MPPED2: variants seen among roughly 807,000 people sequenced by gnomAD.
The protein encoded by MPPED2 is metallophosphoesterase domain containing 2.
MPPED2 carries 5 observed loss-of-function variants against 33.0 expected under a neutral mutation model. The ratio of observed to expected loss-of-function variants is 0.15; its 90% CI spans 0.08 to 0.32. The LOEUF (loss-of-function observed/expected upper bound fraction) is 0.32. MPPED2 is among the 10% of genes least tolerant of loss of function. The pLI, the probability that MPPED2 is intolerant of heterozygous loss-of-function variation, is 1.00. For synonymous variants in MPPED2, 136 were observed against 141.9 expected (o/e 0.96, Z 0.29); for missense variants, 275 against 372.1 (o/e 0.74, Z 2.15).
In MPPED2 at chr11:30,442,497, T is replaced by A. The variant is rs569690689; in HGVS notation, c.537-24864A>T. 3.3e-4 allele frequency among the ~76,000 whole-genome samples: 50 copies of A among 152,218 alleles called. 1 individual carries two copies. The highest frequency in any genetic ancestry group is 1.2e-3 in the African/African-American group (49 of 41,552). ...CTGATCAGGGAACCAAATGTGAAAATATTTTAAAATAAAGTGATGTGTTGT... is the reference window on the plus strand; with the variant it reads ...CTGATCAGGGAACCAAATGTGAAAAAATTTTAAAATAAAGTGATGTGTTGT... On this transcript the variant is annotated intron_variant, in intron 4 of 6. Transcript: ENST00000358117.
intron 6 of MPPED2, among the ~76,000 whole-genome samples, chr11:30,390,003 CTT>C (rs60697577): frequency 6.0e-4 from 92 of 152,254 alleles, no homozygotes; most frequent in African/African-American, 2.2e-3. Flanking sequence ...AAAAAAGCCT[CTT>C]ATATCATCTA....
intron 4 of MPPED2, among the ~76,000 whole-genome samples, chr11:30,447,321 C>T (rs1022457953): frequency 2.6e-5 from 4 of 152,306 alleles, no homozygotes; most frequent in African/African-American, 9.6e-5. Flanking sequence ...TATGGGCAAA[C>T]TATTCATTTT....
chr11:30,465,974 C>A (rs1358682153), intron 4 of MPPED2, among the ~76,000 whole-genome samples: 1 of 152,182 alleles, frequency 6.6e-6, no homozygotes, highest in Non-Finnish European at 1.5e-5. Context: ...AATTACAAGG[C>A]CTTCCCCAAA....
chr11:30,564,577 G>A (rs1349976992), intron 2 of MPPED2, among the ~76,000 whole-genome samples: 1 of 152,150 alleles, frequency 6.6e-6, no homozygotes, highest in Non-Finnish European at 1.5e-5. Flanking sequence ...GGGAGACCAA[G>A]ATTCAAACTT....
chr11:30,400,402 A>G (rs985977998), intron 6 of MPPED2, among the ~76,000 whole-genome samples: 1 of 152,206 alleles, frequency 6.6e-6, no homozygotes, highest in East Asian at 1.9e-4. Flanking sequence ...AAGTGCCTTA[A>G]TGGAATGAAA....
chr11:30,451,159 G>T (rs1950042033), intron 4 of MPPED2, among the ~76,000 whole-genome samples: 1 of 152,334 alleles, frequency 6.6e-6, no homozygotes, highest in South Asian at 2.1e-4. Context: ...TCTCTGTAAA[G>T]ATGAGGATGG....
At chr11:30,502,466 C>T (rs1952614242) in intron 3 of MPPED2, among the ~76,000 whole-genome samples, 1 of 152,188 alleles carries the variant, frequency 6.6e-6, no homozygotes, top group Non-Finnish European at 1.5e-5. Flanking sequence ...AATTAAAACA[C>T]ATCCTGGCTT....
chr11:30,427,684 C>T lies in MPPED2; in HGVS notation c.537-10051G>A, dbSNP rs1290694050. 2.6e-5 allele frequency among the ~76,000 whole-genome samples: 4 copies of T among 152,090 alleles called. No homozygotes were observed. The East Asian group carries it at 7.7e-4, about 29-fold the overall frequency. On this transcript the variant is annotated intron_variant, in intron 4 of 6. Transcript: ENST00000358117. ...AGTGGAAAAGTAAAGTATTACCTTT[C>T]GTGTATCAGTATGAATTCAAACATG...
intron 4 of MPPED2, among the ~76,000 whole-genome samples, chr11:30,464,594 A>ATT (rs1950634109): frequency 6.6e-6 from 1 of 152,152 alleles, no homozygotes; most frequent in South Asian, 2.1e-4. Context: ...AACAGTTGGC[A>ATT]TTTCATGTGT....
chr11:30,460,997 T>A (rs931848319), intron 4 of MPPED2, among the ~76,000 whole-genome samples: 1 of 152,158 alleles, frequency 6.6e-6, no homozygotes, highest in Non-Finnish European at 1.5e-5. Context: ...GACGAATGGA[T>A]AAACAAAATG....
At chr11:30,472,388 A>G (rs140819601) in intron 4 of MPPED2, among the ~76,000 whole-genome samples, 48 of 151,354 alleles carry the variant, frequency 3.2e-4, no homozygotes, top group Non-Finnish European at 5.3e-4. Flanking sequence ...ATAATAATTA[A>G]GCATGAAAAT....
At chr11:30,431,687 A>C (rs900696199) in intron 4 of MPPED2, among the ~76,000 whole-genome samples, 2 of 152,110 alleles carry the variant, frequency 1.3e-5, no homozygotes, top group Non-Finnish European at 2.9e-5. Flanking sequence ...ATAGCCATTG[A>C]ATTTACTCAA....
At chr11:30,531,403 C>T (rs1218603113) in intron 3 of MPPED2, among the ~76,000 whole-genome samples, 1 of 152,166 alleles carries the variant, frequency 6.6e-6, no homozygotes, top group Non-Finnish European at 1.5e-5. Context: ...GGGGCTCTGT[C>T]ACTCCCTCCA....
chr11:30,556,751 C>A (rs1438992994), intron 2 of MPPED2, among the ~76,000 whole-genome samples: 1 of 152,142 alleles, frequency 6.6e-6, no homozygotes. Flanking sequence ...GCTTGGTACA[C>A]AATAAGCATT....
intron 2 of MPPED2, among the ~76,000 whole-genome samples, chr11:30,545,873 A>T (rs12287731): frequency 0.22 from 33,190 of 151,536 alleles, 3,836 homozygotes; most frequent in East Asian, 0.32. Context: ...ACATATATAT[A>T]TTTTTTTTAG....
At chr11:30,409,582 C>T (rs569770704), downstream of MPPED2, among the ~76,000 whole-genome samples, 2 of 152,304 alleles carry the variant, frequency 1.3e-5, no homozygotes, top group African/African-American at 4.8e-5. Flanking sequence ...ATCAAGAACA[C>T]CTTTCAGAAA....
chr11:30,538,461 A>G (rs890486037), intron 2 of MPPED2, among the ~76,000 whole-genome samples: 1 of 152,176 alleles, frequency 6.6e-6, no homozygotes, highest in Non-Finnish European at 1.5e-5. Context: ...CATGGTACAT[A>G]ATTGGTTCCT....
chr11:30,431,166 G>C (rs943868514), intron 4 of MPPED2, among the ~76,000 whole-genome samples: 5 of 152,162 alleles, frequency 3.3e-5, no homozygotes, highest in Admixed American at 6.5e-5. Context: ...GGGTTGGGGG[G>C]GATTCCTAAG....
chr11:30,566,286 C>T (rs1452698359), intron 2 of MPPED2, among the ~76,000 whole-genome samples: 2 of 152,102 alleles, frequency 1.3e-5, no homozygotes, highest in African/African-American at 2.4e-5. Flanking sequence ...ATATACTTTC[C>T]GATGCCTCCA....
Sources: gnomAD v4.1 joint callset for allele counts (sites outside exome capture counted in the v4.1 genomes callset) on GRCh38, gnomAD v4.1.1 for gene constraint, MANE v1.5 for transcripts, NCBI Gene and HGNC (gene_info 2026-07-23, HGNC 2026-07-21) for gene names.